PRKCB: variants seen among roughly 807,000 people sequenced by gnomAD.
PRKCB encodes protein kinase C beta.
PRKCB carries 13 observed loss-of-function variants against 81.5 expected under a neutral mutation model. The observed-to-expected ratio is 0.16, with a 90% CI of 0.10 to 0.25. PRKCB has a LOEUF of 0.25. Ranked by LOEUF, PRKCB falls within the 10% of genes least tolerant of loss-of-function variation. The pLI is 1.00. For missense variants in PRKCB, 509 were observed against 875.7 expected (o/e 0.58, Z 5.29); for synonymous variants, 335 against 321.4 (o/e 1.04, Z -0.45).
intron 13 of PRKCB, among the ~76,000 whole-genome samples, chr16:24,184,580 A>G (rs1336558862): frequency 6.6e-6 from 1 of 152,212 alleles, no homozygotes; most frequent in Non-Finnish European, 1.5e-5. Context: ...AAGTAGACCA[A>G]ATATTAGTCA....
chr16:24,177,082 G>A (rs1317911700), intron 12 of PRKCB, among the ~76,000 whole-genome samples: 1 of 152,100 alleles, frequency 6.6e-6, no homozygotes, highest in Non-Finnish European at 1.5e-5. Context: ...TACTAAAATA[G>A]AACCAACTGG....
At chr16:24,126,393 C>CT (rs373413091) in intron 9 of PRKCB, among the ~76,000 whole-genome samples, 5 of 151,626 alleles carry the variant, frequency 3.3e-5, no homozygotes, top group Admixed American at 6.6e-5. Context: ...TAAATGAGCA[C>CT]TTTTTTTTTC....
intron 5 of PRKCB, among the ~76,000 whole-genome samples, chr16:24,091,762 C>A (rs1179030052): frequency 6.6e-6 from 1 of 152,168 alleles, no homozygotes; most frequent in Non-Finnish European, 1.5e-5. Flanking sequence ...AGGCACCTGC[C>A]ACCATGCCTG....
intron 2 of PRKCB, among the ~76,000 whole-genome samples, chr16:23,910,491 T>C (rs1012887845): frequency 2.0e-5 from 3 of 152,164 alleles, no homozygotes; most frequent in Non-Finnish European, 4.4e-5. Context: ...ACCCCCATCC[T>C]AACAGAAACA....
chr16:23,899,757 C>G (rs1487985478), intron 2 of PRKCB, among the ~76,000 whole-genome samples: 1 of 78,816 alleles, frequency 1.3e-5, no homozygotes, highest in African/African-American at 3.7e-5. Context: ...CCCACCTCAG[C>G]CTTCTGAGGA....
At chr16:24,184,357 G>T (rs950387498) in intron 13 of PRKCB, among the ~76,000 whole-genome samples, 2 of 151,940 alleles carry the variant, frequency 1.3e-5, no homozygotes, top group African/African-American at 2.4e-5. Flanking sequence ...AGGCTGAGGT[G>T]CGAGGATTGC....
chr16:23,875,503 A>ATATATATATATAT (rs1567298294), intron 2 of PRKCB, among the ~76,000 whole-genome samples: 9 of 28,922 alleles, frequency 3.1e-4, no homozygotes, highest in African/African-American at 8.2e-4. Flanking sequence ...ATATATATAT[A>ATATATATATATAT]TATGATGTAT....
intron 5 of PRKCB, among the ~76,000 whole-genome samples, chr16:24,066,694 G>T (rs533360397): frequency 1.3e-3 from 193 of 151,224 alleles, no homozygotes; most frequent in South Asian, 2.5e-3. Flanking sequence ...ACATTAAGTT[G>T]TCATGTTTCC....
rs773665394 is a variant in PRKCB at position 24,123,952 on chromosome 16, A to G, written c.1036A>G (p.Met346Val). 3 of 1,614,150 alleles carry G rather than the reference A, an allele frequency of 1.9e-6. No individual in the cohort carries two copies. The highest frequency in any genetic ancestry group is 2.2e-5 in the East Asian group (1 of 44,880). Residue 346 changes from methionine (M) to valine (V), a missense_variant, in exon 9 of 17, where the codon ATG becomes GTG. Met to Val is a conservative substitution (Grantham distance 21, BLOSUM62 1). Coordinates refer to ENST00000643927, the MANE Select transcript of PRKCB (RefSeq NM_002738.7). ...RMKLTDFNFLMVLGKGSFGKV... is the reference protein window; with the variant it reads ...RMKLTDFNFLVVLGKGSFGKV... ...GAAACTGACCGATTTTAACTTCCTA[A>G]TGGTGCTGGGGAAAGGCAGCTTTGG...
chr16:23,980,442 C>A (rs182278189), intron 2 of PRKCB, among the ~76,000 whole-genome samples: 1 of 152,330 alleles, frequency 6.6e-6, no homozygotes, highest in African/African-American at 2.4e-5. Flanking sequence ...CCCTTTTCCA[C>A]CAAACAGTTT....
intron 9 of PRKCB, among the ~76,000 whole-genome samples, chr16:24,146,736 G>A (rs961274093): frequency 7.9e-5 from 12 of 152,114 alleles, no homozygotes; most frequent in African/African-American, 2.9e-4. Flanking sequence ...ATCTCTCCCA[G>A]AAGATTCTTG....
chr16:24,127,771 GA>G (rs566046578), intron 9 of PRKCB, among the ~76,000 whole-genome samples: 2 of 152,292 alleles, frequency 1.3e-5, no homozygotes, highest in South Asian at 4.1e-4. Flanking sequence ...AATCATAGAT[GA>G]AAACAACAGT....
chr16:24,178,343 A>G (rs1967567691), intron 12 of PRKCB, among the ~76,000 whole-genome samples: 1 of 152,246 alleles, frequency 6.6e-6, no homozygotes, highest in Admixed American at 6.5e-5. Context: ...ATTACACAGA[A>G]CAAAAGATTA....
intron 12 of PRKCB, 144 bp downstream of exon 12, chr16:24,174,724 G>A: frequency 1.3e-6 from 1 of 752,570 alleles, no homozygotes; most frequent in Non-Finnish European, 2.2e-6. Context: ...GTTCTGCCAG[G>A]CAGCATCGCC....
intron 2 of PRKCB, among the ~76,000 whole-genome samples, chr16:23,863,255 T>TAC (rs57495485): frequency 0.23 from 30,231 of 132,554 alleles, 3,342 homozygotes; most frequent in Non-Finnish European, 0.25. Flanking sequence ...TATATACACA[T>TAC]ACACACACAC....
intron 2 of PRKCB, among the ~76,000 whole-genome samples, chr16:23,856,895 C>T (rs1011253603): frequency 6.6e-6 from 1 of 152,068 alleles, no homozygotes; most frequent in Non-Finnish European, 1.5e-5. Flanking sequence ...AAATGTGTCT[C>T]TTACTGCAGG....
At chr16:24,164,067 A>G (rs573464505) in intron 10 of PRKCB, among the ~76,000 whole-genome samples, 3 of 152,306 alleles carry the variant, frequency 2.0e-5, no homozygotes, top group African/African-American at 7.2e-5. Flanking sequence ...TCTTGCAGCA[A>G]CTTCCCTTGG....
At chr16:24,108,346 T>G (rs1966607499) in intron 7 of PRKCB, among the ~76,000 whole-genome samples, 1 of 138,146 alleles carries the variant, frequency 7.2e-6, no homozygotes, top group African/African-American at 3.2e-5. Context: ...TTTTTTTAAA[T>G]TTATTTATTT....
chr16:24,165,121 G>A (rs890919297), intron 10 of PRKCB, among the ~76,000 whole-genome samples: 1 of 152,156 alleles, frequency 6.6e-6, no homozygotes, highest in African/African-American at 2.4e-5. Context: ...GCTCATTGCA[G>A]CCTTGACCTC....
Sources: gnomAD v4.1 joint callset for allele counts (sites outside exome capture counted in the v4.1 genomes callset) on GRCh38, gnomAD v4.1.1 for gene constraint, MANE v1.5 for transcripts, NCBI Gene and HGNC (gene_info 2026-07-23, HGNC 2026-07-21) for gene names.